CNTN4: variants seen among roughly 807,000 people sequenced by gnomAD.
CNTN4 encodes contactin 4, also known as contactin-4.
CNTN4 carries 77 observed loss-of-function variants against 122.5 expected under a neutral mutation model. The observed-to-expected ratio is 0.63, with a 90% CI of 0.52 to 0.76. CNTN4 has a LOEUF of 0.76. Ranked by LOEUF, CNTN4 falls within the 30% of genes least tolerant of loss-of-function variation. The pLI, the probability that CNTN4 is intolerant of heterozygous loss-of-function variation, is 0.00. For synonymous variants in CNTN4, 512 were observed against 447.0 expected, an observed-to-expected ratio of 1.15 and a Z score of -1.83; for missense variants, 1,256 against 1,259.1, an observed-to-expected ratio of 1.00 and a Z score of 0.04.
At chr3:3,042,454 A>G in intron 21 of CNTN4, 32 bp downstream of exon 21, 1 of 1,399,876 alleles carries the variant, frequency 7.1e-7, no homozygotes, top group Non-Finnish European at 1.0e-6. Context: ...TGGGTCTGAA[A>G]GAGAGTCTAT....
chr3:2,559,833 A>T (rs1475387577), intron 3 of CNTN4, among the ~76,000 whole-genome samples: 1 of 152,198 alleles, frequency 6.6e-6, no homozygotes, highest in Non-Finnish European at 1.5e-5. Flanking sequence ...CTTTGAGAGT[A>T]TGTGTTCATA....
chr3:3,028,648 C>T (rs1698927611), intron 15 of CNTN4, among the ~76,000 whole-genome samples: 1 of 152,056 alleles, frequency 6.6e-6, no homozygotes, highest in Non-Finnish European at 1.5e-5. Flanking sequence ...GCACGCATCC[C>T]CTGGGGCATA....
In CNTN4 at chr3:2,500,737, G is replaced by A. The variant is rs892672376; in HGVS notation, c.-88-70679G>A. On this transcript the variant is annotated intron_variant, in intron 3 of 24. Coordinates refer to ENST00000418658, the MANE Select transcript of CNTN4 (RefSeq NM_175607.3). ...AACAGAATCTATTTGATATTTAATT[G>A]TCCTTTGAGTTTTTTTCTTAATTTT... Among the ~76,000 whole-genome samples the A allele has an allele frequency of 4.6e-5, 7 of 151,878 alleles. No individual in the cohort carries two copies. The South Asian group carries it at 1.2e-3, about 27-fold the overall frequency.
intron 14 of CNTN4, among the ~76,000 whole-genome samples, chr3:3,007,061 A>G (rs1696728290): frequency 6.6e-6 from 1 of 152,210 alleles, no homozygotes; most frequent in Non-Finnish European, 1.5e-5. Context: ...TTGTAGCAGC[A>G]CTGAAGTCTG....
At chr3:2,296,080 G>A (rs180737970) in intron 2 of CNTN4, among the ~76,000 whole-genome samples, 127 of 152,238 alleles carry the variant, frequency 8.3e-4, no homozygotes, top group African/African-American at 3.0e-3. Context: ...GGTTACTGTA[G>A]CCTTGTAGTA....
intron 2 of CNTN4, among the ~76,000 whole-genome samples, chr3:2,175,544 T>G (rs1318771950): frequency 6.6e-6 from 1 of 152,118 alleles, no homozygotes; most frequent in Non-Finnish European, 1.5e-5. Context: ...AAAAATAAAA[T>G]TAAGAATACG....
intron 2 of CNTN4, among the ~76,000 whole-genome samples, chr3:2,137,470 C>T (rs907440084): frequency 6.6e-6 from 1 of 151,812 alleles, no homozygotes; most frequent in South Asian, 2.1e-4. Context: ...TCTATATTTT[C>T]ATTCCTTGTG....
At chr3:2,508,211 G>T (rs1356657652) in intron 3 of CNTN4, among the ~76,000 whole-genome samples, 1 of 152,108 alleles carries the variant, frequency 6.6e-6, no homozygotes, top group Non-Finnish European at 1.5e-5. Flanking sequence ...GGAAAAGAAG[G>T]TTCAATCATT....
At chr3:2,233,888 C>T (rs892746570) in intron 2 of CNTN4, among the ~76,000 whole-genome samples, 4 of 152,164 alleles carry the variant, frequency 2.6e-5, no homozygotes, top group African/African-American at 7.2e-5. Flanking sequence ...TTTTAAAATA[C>T]GAAGTGAAAT....
chr3:2,937,133 T>A (rs76844401), intron 13 of CNTN4, among the ~76,000 whole-genome samples: 36 of 152,352 alleles, frequency 2.4e-4, no homozygotes, highest in African/African-American at 8.4e-4. Flanking sequence ...TTTTTGTTTG[T>A]TTTTGGTTTG....
chr3:2,145,721 C>G (rs2035213311), intron 2 of CNTN4, among the ~76,000 whole-genome samples: 1 of 152,264 alleles, frequency 6.6e-6, no homozygotes, highest in South Asian at 2.1e-4. Context: ...AAATTTCAAT[C>G]CTATTTGTTG....
intron 4 of CNTN4, among the ~76,000 whole-genome samples, chr3:2,722,957 G>A (rs2087956033): frequency 6.6e-6 from 1 of 152,152 alleles, no homozygotes; most frequent in African/African-American, 2.4e-5. Context: ...GGCATATGAT[G>A]AATCACATTT....
intron 2 of CNTN4, among the ~76,000 whole-genome samples, chr3:2,172,933 A>G (rs1056640097): frequency 2.6e-5 from 4 of 152,198 alleles, no homozygotes; most frequent in Admixed American, 6.5e-5. Flanking sequence ...AGAAAGGCAA[A>G]GATGATTGAC....
chr3:3,010,889 T>C (rs1697159642), intron 14 of CNTN4, among the ~76,000 whole-genome samples: 1 of 152,172 alleles, frequency 6.6e-6, no homozygotes, highest in Admixed American at 6.5e-5. Flanking sequence ...TTCAGCATCA[T>C]GTAAGTACAC....
At chr3:2,838,081 GT>G in intron 7 of CNTN4, among the ~76,000 whole-genome samples, 1 of 152,174 alleles carries the variant, frequency 6.6e-6, no homozygotes, top group Non-Finnish European at 1.5e-5. Context: ...TGTTCTGTCA[GT>G]TTTGTGACCA....
intron 2 of CNTN4, among the ~76,000 whole-genome samples, chr3:2,172,232 C>T (rs181087549): frequency 1.2e-4 from 18 of 151,854 alleles, no homozygotes; most frequent in East Asian, 3.9e-4. Flanking sequence ...TAAAAAAAAA[C>T]GAAATAATGT....
chr3:2,932,266 T>C (rs1046191997), intron 13 of CNTN4, among the ~76,000 whole-genome samples: 9 of 152,066 alleles, frequency 5.9e-5, no homozygotes, highest in Non-Finnish European at 1.2e-4. Flanking sequence ...TAGTCCCAGC[T>C]ACTCGGGAGG....
chr3:2,158,085 A>G (rs1026403559), intron 2 of CNTN4, among the ~76,000 whole-genome samples: 1 of 143,024 alleles, frequency 7.0e-6, no homozygotes, highest in East Asian at 1.9e-4. Context: ...ATGTTCTTTA[A>G]TTTTGCATAT....
At chr3:2,181,448 G>A (rs990573896) in intron 2 of CNTN4, among the ~76,000 whole-genome samples, 5 of 151,974 alleles carry the variant, frequency 3.3e-5, no homozygotes, top group South Asian at 4.1e-4. Flanking sequence ...CGTATCAAAC[G>A]CCAGCAAATA....
Sources: allele counts gnomAD v4.1 joint callset (sites outside exome capture counted in the v4.1 genomes callset), GRCh38; gene constraint gnomAD v4.1.1; transcripts MANE v1.5; gene names NCBI Gene and HGNC (gene_info 2026-07-23, HGNC 2026-07-21).